The following ZNF334 variants were observed in gnomAD, a reference collection of about 807,000 sequenced individuals.
The protein encoded by ZNF334 is zinc finger protein 334.
A neutral mutation model predicts 12.4 loss-of-function variants in ZNF334; 14 were observed. That is an observed-to-expected ratio of 1.13 (90% CI 0.74 to 1.76). The LOEUF is 1.76. ZNF334 is among the 40% of genes most tolerant of loss of function. The pLI, the probability that ZNF334 is intolerant of heterozygous loss-of-function variation, is 0.00. For missense variants in ZNF334, 797 were observed against 804.5 expected, an observed-to-expected ratio of 0.99 and a Z score of 0.11; for synonymous variants, 273 against 269.6, an observed-to-expected ratio of 1.01 and a Z score of -0.12.
the ZNF334 span, chr20:46,490,776 T>C: frequency 2.0e-5 from 3 of 152,216 alleles, no homozygotes; most frequent in Admixed American, 6.5e-5. Context: ...ATTAACTTGA[T>C]GTATGTTGCA....
rs1440042947 is a variant in ZNF334, at chr20:46,501,295, C to T, written c.*1G>A. 6.2e-7 allele frequency: 1 copy of T among 1,607,530 alleles called. No homozygotes were observed. The highest frequency in any genetic ancestry group is 1.1e-5 in the South Asian group (1 of 90,024). On this transcript the variant is annotated 3_prime_UTR_variant, in exon 5 of 5. Coordinates refer to ENST00000692313, the MANE Select transcript of ZNF334 (RefSeq NM_001353824.2). ...GTTGGAATTTATTACTTTGTTGGAA[C>T]TTATTCCTTGTGGGATTTCTGATGT...
chr20:46,483,291 AT>A, the ZNF334 span, among the ~76,000 whole-genome samples: 4 of 150,874 alleles, frequency 2.7e-5, no homozygotes, highest in African/African-American at 7.3e-5. Context: ...TGCAGCTTCT[AT>A]TTTTTTTTCT....
chr20:46,509,690 T>C, intron 2 of ZNF334: 1 of 702,858 alleles, frequency 1.4e-6, no homozygotes, highest in Non-Finnish European at 2.6e-6. Context: ...ATCATCTGGC[T>C]CCACCATCTG....
At position 46,502,098 on chromosome 20, in the gene ZNF334, A is replaced by G; in HGVS notation, c.1241T>C (p.Phe414Ser). Residue 414 changes from phenylalanine (F) to serine (S), a missense_variant, in exon 5 of 5, where the codon TTC becomes TCC. Transcript: ENST00000692313. ...CACATTGAGGGCAGATTGACAAAAG[A>G]AGGTTTTCTCACATTCACTACATTC... ...PYECSECEKT[F>S]FCQSALNVHR... 1 of 1,614,162 alleles carries G rather than the reference A, an allele frequency of 6.2e-7. No individual in the cohort carries two copies. The highest frequency in any genetic ancestry group is 2.2e-5 in the East Asian group (1 of 44,872).
the ZNF334 span, among the ~76,000 whole-genome samples, chr20:46,480,026 CTA>C: frequency 6.6e-6 from 1 of 152,166 alleles, no homozygotes; most frequent in Non-Finnish European, 1.5e-5. Flanking sequence ...ATGTATTGAT[CTA>C]TGTCTTTGCC....
the ZNF334 span, chr20:46,492,817 C>CT: frequency 6.6e-6 from 1 of 152,110 alleles, no homozygotes; most frequent in African/African-American, 2.4e-5. Context: ...CAGAAATGTA[C>CT]TTTTTTTATT....
the ZNF334 span, among the ~76,000 whole-genome samples, chr20:46,494,526 T>C: frequency 6.6e-6 from 1 of 152,186 alleles, no homozygotes; most frequent in African/African-American, 2.4e-5. Flanking sequence ...AAGTTAAATA[T>C]AAGCCAAAAA....
intron 3 of ZNF334, 74 bp downstream of exon 3, chr20:46,504,540 C>T: frequency 1.3e-6 from 2 of 1,509,196 alleles, no homozygotes; most frequent in Non-Finnish European, 1.8e-6. Context: ...TAAATAAATT[C>T]TAGAAATCAA....
At chr20:46,498,248 G>A (rs1338463935), downstream of ZNF334, among the ~76,000 whole-genome samples, 2 of 152,124 alleles carry the variant, frequency 1.3e-5, no homozygotes, top group South Asian at 2.1e-4. Context: ...ATACCCTTCC[G>A]CAACATATCA....
chr20:46,494,880 C>T (rs940715860), downstream of ZNF334, among the ~76,000 whole-genome samples: 1 of 152,192 alleles, frequency 6.6e-6, no homozygotes, highest in Admixed American at 6.5e-5. Flanking sequence ...ACACTTTCTT[C>T]TTTGTATCTC....
At chr20:46,497,570 C>T (rs950064550), downstream of ZNF334, among the ~76,000 whole-genome samples, 4 of 152,122 alleles carry the variant, frequency 2.6e-5, no homozygotes, top group African/African-American at 9.7e-5. Context: ...TACTATCTTC[C>T]CCCTTATTCC....
At chr20:46,483,984 ACT>A in the ZNF334 span, among the ~76,000 whole-genome samples, 2 of 152,050 alleles carry the variant, frequency 1.3e-5, no homozygotes, top group African/African-American at 4.8e-5. Flanking sequence ...ATATTGAGAG[ACT>A]CTGTCAAATC....
the ZNF334 span, among the ~76,000 whole-genome samples, chr20:46,487,262 T>C: frequency 2.0e-5 from 3 of 152,336 alleles, no homozygotes; most frequent in African/African-American, 7.2e-5. Context: ...TCTATATTTG[T>C]ATATGGCATA....
intron 2 of ZNF334, chr20:46,509,860 G>A (rs988066055): frequency 1.7e-6 from 1 of 592,288 alleles, no homozygotes; most frequent in Non-Finnish European, 3.0e-6. Context: ...AAGAAAGTAT[G>A]TTCTGTAAAA....
the ZNF334 span, among the ~76,000 whole-genome samples, chr20:46,493,388 G>C: frequency 1.3e-5 from 2 of 152,212 alleles, no homozygotes. Context: ...ACAGTGAAAA[G>C]CAAAAAGCTG....
At chr20:46,477,229 G>T in the ZNF334 span, 3 of 152,246 alleles carry the variant, frequency 2.0e-5, no homozygotes, top group Non-Finnish European at 4.4e-5. Flanking sequence ...ATTGGTGGTT[G>T]ATGAGGCTGG....
At chr20:46,497,703 T>G (rs2061046949), downstream of ZNF334, among the ~76,000 whole-genome samples, 1 of 152,222 alleles carries the variant, frequency 6.6e-6, no homozygotes, top group East Asian at 1.9e-4. Flanking sequence ...TAAAATAATC[T>G]GGCAAAACTG....
At chr20:46,472,758 G>A in the ZNF334 span, among the ~76,000 whole-genome samples, 3 of 152,230 alleles carry the variant, frequency 2.0e-5, no homozygotes, top group African/African-American at 7.2e-5. Flanking sequence ...GAATACTTGA[G>A]AGCAGTGAGT....
At chr20:46,476,336 A>G in the ZNF334 span, 183 of 152,360 alleles carry the variant, frequency 1.2e-3, 1 homozygote, top group African/African-American at 4.3e-3. Context: ...CTGTAACATG[A>G]CAATGGTGGT....
Sources: gnomAD v4.1 joint callset for allele counts (sites outside exome capture counted in the v4.1 genomes callset) on GRCh38, gnomAD v4.1.1 for gene constraint, MANE v1.5 for transcripts, NCBI Gene and HGNC (gene_info 2026-07-23, HGNC 2026-07-21) for gene names.